SGCZ: variants seen among roughly 807,000 people sequenced by gnomAD.
SGCZ encodes the protein sarcoglycan zeta.
In SGCZ, 40 loss-of-function variants were observed where a neutral mutation model predicts 41.3. The observed-to-expected ratio is 0.97, with a 90% CI of 0.75 to 1.26. The LOEUF is 1.26. Among genes scored for constraint, SGCZ ranks in the 50% most tolerant of loss-of-function variants. The pLI is 0.00. For missense variants in SGCZ, 552 were observed against 369.8 expected (o/e 1.49, Z -4.04); for synonymous variants, 206 against 137.5 (o/e 1.50, Z -3.49).
At chr8:14,386,709 G>T (rs1050077532) in intron 2 of SGCZ, among the ~76,000 whole-genome samples, 1 of 152,148 alleles carries the variant, frequency 6.6e-6, no homozygotes, top group Admixed American at 6.6e-5. Flanking sequence ...GCTGCCAGAA[G>T]TTCATATTTC....
At chr8:14,586,811 T>C (rs1474279074) in intron 1 of SGCZ, among the ~76,000 whole-genome samples, 1 of 152,154 alleles carries the variant, frequency 6.6e-6, no homozygotes, top group East Asian at 1.9e-4. Flanking sequence ...TTCTTTGTTT[T>C]CTTCCCAATT....
intron 2 of SGCZ, among the ~76,000 whole-genome samples, chr8:14,435,988 G>A (rs1346140318): frequency 1.3e-5 from 2 of 152,280 alleles, no homozygotes; most frequent in South Asian, 2.1e-4. Context: ...GACCAGCTAG[G>A]TATGGGGAAA....
intron 5 of SGCZ, among the ~76,000 whole-genome samples, chr8:14,125,838 A>G (rs56121790): frequency 0.18 from 28,031 of 152,114 alleles, 3,437 homozygotes; most frequent in East Asian, 0.65. Flanking sequence ...CATCCATCTG[A>G]TCTTTGACAA....
intron 4 of SGCZ, among the ~76,000 whole-genome samples, chr8:14,216,522 C>T (rs931822311): frequency 1.3e-5 from 2 of 152,106 alleles, no homozygotes; most frequent in African/African-American, 2.4e-5. Flanking sequence ...TTTTCAACAA[C>T]GTATTAGGAA....
At chr8:14,438,666 T>C (rs1800159840) in intron 2 of SGCZ, among the ~76,000 whole-genome samples, 1 of 152,040 alleles carries the variant, frequency 6.6e-6, no homozygotes, top group Non-Finnish European at 1.5e-5. Context: ...TGTAAACCAG[T>C]ATCCCATCAG....
intron 1 of SGCZ, among the ~76,000 whole-genome samples, chr8:14,832,117 A>C (rs1049208023): frequency 6.6e-6 from 1 of 152,212 alleles, no homozygotes; most frequent in Non-Finnish European, 1.5e-5. Flanking sequence ...TGCCTTCTTA[A>C]GTCACTATTG....
intron 1 of SGCZ, among the ~76,000 whole-genome samples, chr8:15,080,980 G>A (rs910209145): frequency 7.9e-5 from 12 of 151,966 alleles, no homozygotes; most frequent in Admixed American, 2.6e-4. Context: ...AGGAGAAGGC[G>A]GCCACCTACA....
At chr8:14,372,005 T>C (rs1268699640) in intron 2 of SGCZ, among the ~76,000 whole-genome samples, 1 of 152,082 alleles carries the variant, frequency 6.6e-6, no homozygotes, top group Non-Finnish European at 1.5e-5. Flanking sequence ...GAGTAATCTT[T>C]ATATGCCATG....
intron 1 of SGCZ, among the ~76,000 whole-genome samples, chr8:14,981,521 C>G (rs1196778950): frequency 6.6e-6 from 1 of 152,170 alleles, no homozygotes; most frequent in Non-Finnish European, 1.5e-5. Context: ...TAATCATCAG[C>G]ATGAAATTTC....
intron 1 of SGCZ, among the ~76,000 whole-genome samples, chr8:15,220,768 G>A (rs1174262741): frequency 6.6e-6 from 1 of 152,128 alleles, no homozygotes; most frequent in Non-Finnish European, 1.5e-5. Flanking sequence ...CAACCCAAAT[G>A]TCCATCAGTG....
chr8:14,552,235 C>A (rs775122061), intron 2 of SGCZ, among the ~76,000 whole-genome samples: 1 of 152,044 alleles, frequency 6.6e-6, no homozygotes, highest in Non-Finnish European at 1.5e-5. Context: ...TCACACCCTT[C>A]AAGTATATAC....
intron 3 of SGCZ, among the ~76,000 whole-genome samples, chr8:14,319,201 G>C (rs950062610): frequency 4.0e-5 from 6 of 151,870 alleles, no homozygotes; most frequent in African/African-American, 1.5e-4. Flanking sequence ...AAATTTCTCT[G>C]AAATGAAAAA....
At chr8:14,885,804 TTGA>T (rs912454269) in intron 1 of SGCZ, among the ~76,000 whole-genome samples, 2 of 151,598 alleles carry the variant, frequency 1.3e-5, no homozygotes, top group African/African-American at 4.8e-5. Context: ...GGTTTTGTTG[TTGA>T]TGATGTTATA....
At chr8:14,782,123 T>G (rs1800609012) in intron 1 of SGCZ, among the ~76,000 whole-genome samples, 2 of 152,186 alleles carry the variant, frequency 1.3e-5, no homozygotes, top group Admixed American at 1.3e-4. Context: ...CCAATTTCCT[T>G]GTCTATAAAA....
chr8:14,160,671 G>C (rs1021621918), intron 5 of SGCZ, among the ~76,000 whole-genome samples: 14 of 152,130 alleles, frequency 9.2e-5, no homozygotes, highest in African/African-American at 3.4e-4. Context: ...GCTCTTTATG[G>C]TGATGGGGTA....
At chr8:14,884,473 TTGG>T (rs1804715632) in intron 1 of SGCZ, among the ~76,000 whole-genome samples, 1 of 152,128 alleles carries the variant, frequency 6.6e-6, no homozygotes, top group Non-Finnish European at 1.5e-5. Flanking sequence ...ATTGCCCTTC[TTGG>T]TGGGTAGATG....
chr8:14,455,868 T>C (rs962682081), intron 2 of SGCZ, among the ~76,000 whole-genome samples: 1 of 152,216 alleles, frequency 6.6e-6, no homozygotes, highest in Non-Finnish European at 1.5e-5. Flanking sequence ...GTTTGCAGTA[T>C]GCTACCTCTC....
chr8:14,222,260 T>G (rs938660181), intron 4 of SGCZ, among the ~76,000 whole-genome samples: 1 of 151,900 alleles, frequency 6.6e-6, no homozygotes, highest in Non-Finnish European at 1.5e-5. Flanking sequence ...AAACTCCGCC[T>G]CCCGGGTTCA....
At chr8:14,112,004 G>A (rs1377879066) in intron 5 of SGCZ, among the ~76,000 whole-genome samples, 2 of 151,994 alleles carry the variant, frequency 1.3e-5, no homozygotes, top group Middle Eastern at 3.4e-3. Context: ...TATATCCTAC[G>A]CTACTCATTA....
Sources: gnomAD v4.1 joint callset for allele counts (sites outside exome capture counted in the v4.1 genomes callset) on GRCh38, gnomAD v4.1.1 for gene constraint, MANE v1.5 for transcripts, NCBI Gene and HGNC (gene_info 2026-07-23, HGNC 2026-07-21) for gene names.